CRPPA: variants seen among roughly 807,000 people sequenced by gnomAD.
The protein encoded by CRPPA is CDP-L-ribitol pyrophosphorylase A.
A neutral mutation model predicts 52.0 loss-of-function variants in CRPPA; 43 were observed. The observed-to-expected ratio is 0.83, with a 90% CI of 0.65 to 1.07. CRPPA has a LOEUF of 1.07. CRPPA is among the 50% of genes least tolerant of loss of function. The pLI, the probability that CRPPA is intolerant of heterozygous loss-of-function variation, is 0.00. For synonymous variants in CRPPA, 250 were observed against 203.5 expected (o/e 1.23, Z -1.94); for missense variants, 629 against 551.7 (o/e 1.14, Z -1.40).
chr7:16,214,004 T>C (rs557665990), intron 9 of CRPPA, among the ~76,000 whole-genome samples: 44 of 152,262 alleles, frequency 2.9e-4, no homozygotes, highest in Admixed American at 5.2e-4. Context: ...GAGCATTGGA[T>C]AAAGTCAGAA....
intron 9 of CRPPA, among the ~76,000 whole-genome samples, chr7:16,192,193 T>A (rs1402119082): frequency 6.6e-6 from 1 of 152,024 alleles, no homozygotes; most frequent in Non-Finnish European, 1.5e-5. Flanking sequence ...GGTGATAAGG[T>A]AAGAGAACAG....
chr7:16,389,928 A>AAAATATATATATATATATAT, intron 2 of CRPPA, among the ~76,000 whole-genome samples: 1 of 29,770 alleles, frequency 3.4e-5, no homozygotes, highest in Non-Finnish European at 5.3e-5. Context: ...AAAAAAAAAA[A>AAAATATATATATATATATAT]ATATATATAT....
At chr7:16,284,151 A>C (rs965141935) in intron 5 of CRPPA, among the ~76,000 whole-genome samples, 1 of 152,060 alleles carries the variant, frequency 6.6e-6, no homozygotes, top group Non-Finnish European at 1.5e-5. Context: ...TGGACTTGAA[A>C]AGTCTTTTCA....
intron 9 of CRPPA, among the ~76,000 whole-genome samples, chr7:16,145,638 A>G (rs942932005): frequency 2.0e-4 from 10 of 51,246 alleles, no homozygotes; most frequent in Non-Finnish European, 5.4e-4. Context: ...AATAAAAACT[A>G]TCATAAAAAA....
Position 16,357,161 on chromosome 7 carries a change from A to ATATTTATTTATT in CRPPA, c.684+18919_684+18930dup, listed in dbSNP as rs34428357. Among the ~76,000 whole-genome samples, 547 of 149,392 alleles carry ATATTTATTTATT rather than the reference A, an allele frequency of 3.7e-3. 6 individuals are homozygous for ATATTTATTTATT. The highest frequency in any genetic ancestry group is 0.013 in the African/African-American group (528 of 40,324). On this transcript the variant is annotated intron_variant, in intron 3 of 9. Transcript: ENST00000407010. ...CAGGAGTCAGCAAAGCCTTTAGGGG[A>ATATTTATTTATT]TATTTATTTATTTATTTATTTATTT...
chr7:16,183,394 T>G (rs989220475), intron 9 of CRPPA, among the ~76,000 whole-genome samples: 20 of 152,206 alleles, frequency 1.3e-4, no homozygotes, highest in African/African-American at 4.8e-4. Context: ...CTGTGGAGAA[T>G]GCCTTTTCTG....
intron 3 of CRPPA, among the ~76,000 whole-genome samples, chr7:16,313,764 T>C (rs1349121856): frequency 1.3e-5 from 2 of 152,022 alleles, no homozygotes; most frequent in South Asian, 2.1e-4. Flanking sequence ...CTTTTTTATG[T>C]GTGTTATTTA....
chr7:16,358,198 T>C (rs938770625), intron 3 of CRPPA, among the ~76,000 whole-genome samples: 1 of 151,894 alleles, frequency 6.6e-6, no homozygotes, highest in Non-Finnish European at 1.5e-5. Flanking sequence ...GCCACACACA[T>C]GGCCATGGCA....
chr7:16,258,702 C>A (rs1165504122), intron 7 of CRPPA, among the ~76,000 whole-genome samples: 1 of 151,910 alleles, frequency 6.6e-6, no homozygotes, highest in Non-Finnish European at 1.5e-5. Context: ...TACTTTGGAC[C>A]AGGTACAAAC....
chr7:16,211,154 T>A (rs1782124809), intron 9 of CRPPA, among the ~76,000 whole-genome samples: 1 of 152,352 alleles, frequency 6.6e-6, no homozygotes, highest in East Asian at 1.9e-4. Context: ...TAATATTGCA[T>A]TTCATTTACA....
intron 3 of CRPPA, among the ~76,000 whole-genome samples, chr7:16,337,259 A>C (rs1381188953): frequency 4.6e-5 from 7 of 152,176 alleles, no homozygotes; most frequent in African/African-American, 1.4e-4. Context: ...AATCTTCTTA[A>C]GTATTTTTTC....
At chr7:16,164,865 T>C (rs1346557934) in intron 9 of CRPPA, among the ~76,000 whole-genome samples, 1 of 152,108 alleles carries the variant, frequency 6.6e-6, no homozygotes, top group Non-Finnish European at 1.5e-5. Context: ...TGCTACTTGC[T>C]CCTTCCTCTG....
intron 3 of CRPPA, among the ~76,000 whole-genome samples, chr7:16,367,849 C>T (rs887912022): frequency 2.0e-5 from 3 of 152,112 alleles, no homozygotes; most frequent in Non-Finnish European, 4.4e-5. Flanking sequence ...TTCTCAATCT[C>T]CATTATAAGA....
chr7:16,144,581 A>G (rs1463862029), intron 9 of CRPPA, among the ~76,000 whole-genome samples: 1 of 152,188 alleles, frequency 6.6e-6, no homozygotes, highest in Admixed American at 6.5e-5. Flanking sequence ...AGAGGAGTTT[A>G]TCTAAATAGC....
chr7:16,239,559 CAA>C (rs751232682), intron 8 of CRPPA, among the ~76,000 whole-genome samples: 821 of 47,562 alleles, frequency 0.017, 4 homozygotes, highest in African/African-American at 0.06. Flanking sequence ...AAGTCAATAG[CAA>C]AAAAAAAAAA....
chr7:16,186,576 G>A (rs1781508897), intron 9 of CRPPA, among the ~76,000 whole-genome samples: 1 of 152,126 alleles, frequency 6.6e-6, no homozygotes, highest in African/African-American at 2.4e-5. Context: ...AGAATTGAAA[G>A]GAATTTACTG....
chr7:16,390,362 T>C (rs985264898), intron 2 of CRPPA, among the ~76,000 whole-genome samples: 1 of 152,236 alleles, frequency 6.6e-6, no homozygotes, highest in South Asian at 2.1e-4. Context: ...TAAGAGCACA[T>C]CTCCAATTTC....
chr7:16,379,773 T>C (rs972025828), intron 2 of CRPPA, among the ~76,000 whole-genome samples: 5 of 152,246 alleles, frequency 3.3e-5, no homozygotes, highest in African/African-American at 9.6e-5. Context: ...AGTTCACTCA[T>C]GATTTGGCTC....
chr7:16,207,947 T>G (rs1022079969), intron 9 of CRPPA, among the ~76,000 whole-genome samples: 1 of 152,232 alleles, frequency 6.6e-6, no homozygotes, highest in Admixed American at 6.5e-5. Flanking sequence ...GCCTTCTTTT[T>G]GTTTCTATTC....
Sources: allele counts gnomAD v4.1 joint callset (sites outside exome capture counted in the v4.1 genomes callset), GRCh38; gene constraint gnomAD v4.1.1; transcripts MANE v1.5; gene names NCBI Gene and HGNC (gene_info 2026-07-23, HGNC 2026-07-21).